The following ROR2 variants were observed in gnomAD, a reference collection of about 807,000 sequenced individuals.
ROR2 encodes the protein tyrosine-protein kinase transmembrane receptor ROR2.
In ROR2, 33 loss-of-function variants were observed where a neutral mutation model predicts 74.9. The observed-to-expected ratio is 0.44, with a 90% CI of 0.33 to 0.59. The LOEUF (loss-of-function observed/expected upper bound fraction) is 0.59. Ranked by LOEUF, ROR2 falls within the 20% of genes least tolerant of loss-of-function variation. The pLI is 0.02. For missense variants in ROR2, 1,216 were observed against 1,313.8 expected (o/e 0.93, Z 1.15); for synonymous variants, 586 against 558.7 (o/e 1.05, Z -0.69).
chr9:91,826,691 C>T (rs929791562), intron 1 of ROR2, among the ~76,000 whole-genome samples: 1 of 150,618 alleles, frequency 6.6e-6, no homozygotes, highest in East Asian at 2.0e-4. Context: ...GGCTGAGGCA[C>T]GAGAATGGCG....
intron 1 of ROR2, among the ~76,000 whole-genome samples, chr9:91,910,687 A>C (rs755164343): frequency 3.3e-5 from 5 of 151,654 alleles, no homozygotes; most frequent in Non-Finnish European, 7.4e-5. Context: ...TTTTGGAGAC[A>C]GTGTCTCACT....
At chr9:91,772,459 A>G (rs1247487440) in intron 2 of ROR2, among the ~76,000 whole-genome samples, 7 of 152,214 alleles carry the variant, frequency 4.6e-5, no homozygotes, top group Non-Finnish European at 8.8e-5. Flanking sequence ...CCCAGGGGGA[A>G]GGGTGAAGCC....
intron 1 of ROR2, among the ~76,000 whole-genome samples, chr9:91,780,044 G>C (rs1826558548): frequency 6.6e-6 from 1 of 152,208 alleles, no homozygotes; most frequent in African/African-American, 2.4e-5. Flanking sequence ...TTGCTGTTAA[G>C]AGAGTCACAT....
chr9:91,760,888 A>G (rs1825894544), intron 2 of ROR2, among the ~76,000 whole-genome samples: 1 of 152,130 alleles, frequency 6.6e-6, no homozygotes, highest in Admixed American at 6.5e-5. Flanking sequence ...CTTCACATAT[A>G]TTTTTAGGTA....
At chr9:91,757,607 A>T in intron 2 of ROR2, 48 bp from the exon 3 acceptor site, 1 of 1,593,704 alleles carries the variant, frequency 6.3e-7, no homozygotes, top group South Asian at 1.1e-5. Context: ...TGAGGGCTGG[A>T]AGGAAGGGCT....
At chr9:91,843,369 G>A (rs981994208) in intron 1 of ROR2, among the ~76,000 whole-genome samples, 1 of 152,208 alleles carries the variant, frequency 6.6e-6, no homozygotes, top group African/African-American at 2.4e-5. Flanking sequence ...GCATGACCAG[G>A]TTAAAGACTC....
At chr9:91,938,041 G>C (rs892068459) in intron 1 of ROR2, among the ~76,000 whole-genome samples, 6 of 152,154 alleles carry the variant, frequency 3.9e-5, no homozygotes, top group African/African-American at 1.4e-4. Flanking sequence ...TGACACTTGA[G>C]AGCAGCTTCC....
intron 1 of ROR2, among the ~76,000 whole-genome samples, chr9:91,823,665 C>T (rs995551513): frequency 5.9e-5 from 9 of 152,274 alleles, no homozygotes; most frequent in South Asian, 2.1e-4. Context: ...TATCAACAAC[C>T]GCTGAATCTG....
At chr9:91,779,181 G>C (rs547317616) in intron 1 of ROR2, among the ~76,000 whole-genome samples, 3 of 152,212 alleles carry the variant, frequency 2.0e-5, no homozygotes, top group African/African-American at 7.2e-5. Context: ...AACAATAGGG[G>C]AAACTGGGTG....
At chr9:91,835,376 T>A (rs1391288475) in intron 1 of ROR2, among the ~76,000 whole-genome samples, 3 of 152,194 alleles carry the variant, frequency 2.0e-5, no homozygotes, top group African/African-American at 7.2e-5. Context: ...TTGCACTGAT[T>A]TATGGGCTCC....
intron 1 of ROR2, among the ~76,000 whole-genome samples, chr9:91,913,293 C>T (rs940228984): frequency 7.9e-5 from 12 of 152,210 alleles, no homozygotes; most frequent in African/African-American, 2.9e-4. Context: ...AAATGCACCA[C>T]TAACAGTGAT....
At chr9:91,871,264 T>C (rs1158050077) in intron 1 of ROR2, among the ~76,000 whole-genome samples, 1 of 152,046 alleles carries the variant, frequency 6.6e-6, no homozygotes, top group Non-Finnish European at 1.5e-5. Flanking sequence ...TATATATCAC[T>C]GTGTGTGTTT....
chr9:91,926,113 G>A (rs1831388690), intron 1 of ROR2, among the ~76,000 whole-genome samples: 1 of 150,638 alleles, frequency 6.6e-6, no homozygotes, highest in African/African-American at 2.4e-5. Context: ...CAGGCGCGGT[G>A]GCTCACGCCT....
At chr9:91,824,858 A>C (rs1828236962) in intron 1 of ROR2, among the ~76,000 whole-genome samples, 1 of 152,192 alleles carries the variant, frequency 6.6e-6, no homozygotes, top group South Asian at 2.1e-4. Flanking sequence ...GTGACGGGCA[A>C]GGCCTCTTGC....
intron 1 of ROR2, among the ~76,000 whole-genome samples, chr9:91,892,754 T>G (rs902633999): frequency 1.3e-5 from 2 of 151,856 alleles, no homozygotes; most frequent in African/African-American, 2.4e-5. Context: ...CACACCCGGC[T>G]AATTTTTGTA....
intron 4 of ROR2, among the ~76,000 whole-genome samples, chr9:91,741,031 G>T (rs1248319522): frequency 6.6e-6 from 1 of 152,148 alleles, no homozygotes. Context: ...GCCGGGTGCG[G>T]TGGCTCACGC....
chr9:91,786,827 A>G (rs990521745), intron 1 of ROR2, among the ~76,000 whole-genome samples: 1 of 152,200 alleles, frequency 6.6e-6, no homozygotes. Flanking sequence ...AGAGCTGACT[A>G]TAACTGCAGT....
chr9:91,817,732 T>C (rs1429744236), intron 1 of ROR2, among the ~76,000 whole-genome samples: 2 of 152,022 alleles, frequency 1.3e-5, no homozygotes, highest in East Asian at 1.9e-4. Flanking sequence ...CTGGTATCCA[T>C]GGGAACGGAA....
At position 91,726,712 on chromosome 9, in the gene ROR2, C is replaced by G. The variant is rs764732192; in HGVS notation, c.1215G>C (p.Leu405=). The change falls in exon 8 of 9, where the codon CTG becomes CTC. Residue 405 remains leucine, a synonymous_variant. Transcript: ENST00000375708. The part of the protein sequence containing the change: ...SPRDSSKMGI[L]YILVPSIAIP... The stretch of plus-strand genomic sequence containing the variant: ...TTGCGATGCTGGGGACCAAGATGTA[C>G]AGAATCCCCATCTTGCTGCTGTCTC... 14 of 1,613,918 alleles carry G rather than the reference C, an allele frequency of 8.7e-6. No homozygotes were observed. The East Asian group carries it at 2.9e-4, about 33-fold the overall frequency.
Sources: gnomAD v4.1 joint callset for allele counts (sites outside exome capture counted in the v4.1 genomes callset) on GRCh38, gnomAD v4.1.1 for gene constraint, MANE v1.5 for transcripts, NCBI Gene and HGNC (gene_info 2026-07-23, HGNC 2026-07-21) for gene names.